Variants in PCNX2 observed in about 807,000 individuals in gnomAD.
PCNX2 encodes the protein pecanex-like protein 2.
PCNX2 carries 168 observed loss-of-function variants against 223.8 expected under a neutral mutation model. The observed-to-expected ratio is 0.75, with a 90% CI of 0.66 to 0.85. The LOEUF (loss-of-function observed/expected upper bound fraction) is 0.85, where lower values mean the gene tolerates loss of function less well. Ranked by LOEUF, PCNX2 falls within the 40% of genes least tolerant of loss-of-function variation. The pLI, the probability that PCNX2 is intolerant of heterozygous loss-of-function variation, is 0.00. For synonymous variants in PCNX2, 1,006 were observed against 1,052.6 expected (o/e 0.96, Z 0.86); for missense variants, 2,507 against 2,675.5 (o/e 0.94, Z 1.39).
At chr1:233,204,694 T>TCAG (rs1256444694) in intron 13 of PCNX2, among the ~76,000 whole-genome samples, 2 of 152,236 alleles carry the variant, frequency 1.3e-5, no homozygotes, top group African/African-American at 4.8e-5. Context: ...TTTCACAACC[T>TCAG]TTTCCTGCTC....
At chr1:233,100,097 A>G (rs755903002) in intron 21 of PCNX2, among the ~76,000 whole-genome samples, 10 of 152,182 alleles carry the variant, frequency 6.6e-5, no homozygotes, top group African/African-American at 1.2e-4. Flanking sequence ...TCCACTTAAA[A>G]CACTAGGAAA....
chr1:233,086,824 T>C (rs1233724915), intron 23 of PCNX2: 1 of 163,360 alleles, frequency 6.1e-6, no homozygotes, highest in Non-Finnish European at 1.3e-5. Flanking sequence ...CAGAACTTCC[T>C]ATTGGACAGT....
intron 26 of PCNX2, among the ~76,000 whole-genome samples, chr1:233,018,577 G>C (rs950167216): frequency 6.6e-6 from 1 of 152,174 alleles, no homozygotes; most frequent in African/African-American, 2.4e-5. Flanking sequence ...AAAAAGGCTA[G>C]CACCTGGCCT....
chr1:233,171,124 CTTGT>C (rs778454230), intron 17 of PCNX2, among the ~76,000 whole-genome samples: 10 of 149,546 alleles, frequency 6.7e-5, no homozygotes, highest in Admixed American at 1.4e-4. Context: ...CTCGTCTAAA[CTTGT>C]TTATTATTAT....
chr1:233,285,003 C>T (rs1456477999), intron 1 of PCNX2: 7 of 985,194 alleles, frequency 7.1e-6, no homozygotes, highest in Non-Finnish European at 8.4e-6. Context: ...ATGAGCAGGA[C>T]CCCCTGCTAA....
At chr1:233,235,957 A>AAAAAATATATATATATATATATATATAT (rs369886650) in intron 9 of PCNX2, among the ~76,000 whole-genome samples, 11 of 93,096 alleles carry the variant, frequency 1.2e-4, no homozygotes, top group Non-Finnish European at 1.7e-4. Context: ...CATAAAAAAA[A>AAAAAATATATATATATATATATATATAT]ATATATATAT....
intron 8 of PCNX2, among the ~76,000 whole-genome samples, chr1:233,239,799 T>C (rs1195471925): frequency 6.6e-6 from 1 of 152,246 alleles, no homozygotes; most frequent in East Asian, 1.9e-4. Flanking sequence ...ATAACTCCTA[T>C]GCTTTTATGC....
chr1:233,153,167 A>G (rs7552505), intron 19 of PCNX2, among the ~76,000 whole-genome samples: 12,237 of 152,256 alleles, frequency 0.08, 1,481 homozygotes, highest in African/African-American at 0.26. Context: ...CAGGCTACAC[A>G]CTACAAACTA....
chr1:233,160,740 G>C (rs1458897783), intron 18 of PCNX2, among the ~76,000 whole-genome samples: 1 of 152,148 alleles, frequency 6.6e-6, no homozygotes, highest in Non-Finnish European at 1.5e-5. Context: ...GCAGCTCACA[G>C]ACATTTCCTC....
chr1:233,110,875 G>A (rs1052694312), intron 21 of PCNX2, among the ~76,000 whole-genome samples: 1 of 151,088 alleles, frequency 6.6e-6, no homozygotes, highest in African/African-American at 2.4e-5. Flanking sequence ...TCTGTGTAGT[G>A]TAACAACACC....
chr1:233,203,396 T>C (rs879622024), intron 13 of PCNX2, among the ~76,000 whole-genome samples: 1 of 152,244 alleles, frequency 6.6e-6, no homozygotes. Context: ...TGCGGACTAA[T>C]AACTTTCACC....
chr1:233,227,224 A>G lies in PCNX2; in HGVS notation c.2504+2T>C. ...AGTGTGTGTGCATGCTCAGTGGCTTACCGATCAAGTAATGCCAGCAAGGTC... is the reference window on the plus strand; with the variant it reads ...AGTGTGTGTGCATGCTCAGTGGCTTGCCGATCAAGTAATGCCAGCAAGGTC... On this transcript the variant is annotated splice_donor_variant, in intron 10 of 33. Transcript: ENST00000258229. LOFTEE classifies it high-confidence loss of function. The G allele has an allele frequency of 6.2e-7, 1 of 1,611,378 alleles. No individual in the cohort carries two copies. Among genetic ancestry groups the G allele is most frequent in the Non-Finnish European group, 8.5e-7 (1 of 1,178,632 alleles).
chr1:233,152,442 G>A (rs1006048840), intron 19 of PCNX2, among the ~76,000 whole-genome samples: 6 of 152,000 alleles, frequency 3.9e-5, no homozygotes, highest in Admixed American at 3.3e-4. Context: ...GCGAGGTAAG[G>A]AATACATCCT....
chr1:233,167,870 A>G, intron 17 of PCNX2: 1 of 895,536 alleles, frequency 1.1e-6, no homozygotes, highest in African/African-American at 1.8e-5. Context: ...ATACCTTTCC[A>G]CCTTCTATAA....
At chr1:233,277,900 C>T (rs1419678886) in intron 1 of PCNX2, among the ~76,000 whole-genome samples, 2 of 152,146 alleles carry the variant, frequency 1.3e-5, no homozygotes, top group African/African-American at 4.8e-5. Context: ...AAGCAAAGAA[C>T]ACCAAGAAGC....
chr1:233,308,629 G>A, the PCNX2 span, among the ~76,000 whole-genome samples: 4 of 152,030 alleles, frequency 2.6e-5, no homozygotes, highest in Non-Finnish European at 4.4e-5. Context: ...AAAGCTGGGT[G>A]GTAGAGAAGA....
intron 1 of PCNX2, among the ~76,000 whole-genome samples, chr1:233,282,890 C>A (rs1661260434): frequency 6.6e-6 from 1 of 152,002 alleles, no homozygotes; most frequent in Non-Finnish European, 1.5e-5. Flanking sequence ...TATATAGCTA[C>A]AAGTGAACCT....
At chr1:233,303,076 CAG>C in the PCNX2 span, among the ~76,000 whole-genome samples, 1 of 152,072 alleles carries the variant, frequency 6.6e-6, no homozygotes, top group Non-Finnish European at 1.5e-5. Context: ...CAGTTAATGA[CAG>C]AGGTGTCATT....
chr1:233,082,387 A>G (rs1558213849), intron 23 of PCNX2, among the ~76,000 whole-genome samples: 2 of 152,192 alleles, frequency 1.3e-5, no homozygotes, highest in Non-Finnish European at 2.9e-5. Flanking sequence ...TGAAAGCTCT[A>G]ATAGACTTCG....
Sources: gnomAD v4.1 joint callset for allele counts (sites outside exome capture counted in the v4.1 genomes callset) on GRCh38, gnomAD v4.1.1 for gene constraint, MANE v1.5 for transcripts, NCBI Gene and HGNC (gene_info 2026-07-23, HGNC 2026-07-21) for gene names.